PDE1A: variants seen among roughly 807,000 people sequenced by gnomAD.
The protein encoded by PDE1A is phosphodiesterase 1A.
PDE1A carries 35 observed loss-of-function variants against 61.7 expected under a neutral mutation model. That is an observed-to-expected ratio of 0.57 (90% CI 0.43 to 0.75). The LOEUF (loss-of-function observed/expected upper bound fraction) is 0.75, where lower values mean the gene tolerates loss of function less well. PDE1A is among the 30% of genes least tolerant of loss of function. The probability of loss-of-function intolerance (pLI) is 0.00; values close to 1 mark genes in which losing one functional copy is unlikely to be tolerated. For synonymous variants in PDE1A, 232 were observed against 213.2 expected (o/e 1.09, Z -0.77); for missense variants, 597 against 630.6 (o/e 0.95, Z 0.57).
the PDE1A span, among the ~76,000 whole-genome samples, chr2:182,677,422 A>T: frequency 1.3e-5 from 2 of 152,228 alleles, no homozygotes; most frequent in South Asian, 4.1e-4. Flanking sequence ...AAACAAATGG[A>T]AAAACATTCC....
intron 1 of PDE1A, among the ~76,000 whole-genome samples, chr2:182,345,277 C>T (rs558094052): frequency 7.9e-5 from 12 of 152,300 alleles, no homozygotes; most frequent in South Asian, 4.1e-4. Context: ...TCTTGGTGAA[C>T]GGTGGCATGT....
chr2:182,509,198 A>G (rs775554997), intron 2 of PDE1A, among the ~76,000 whole-genome samples: 32 of 152,324 alleles, frequency 2.1e-4, no homozygotes, highest in Admixed American at 1.2e-3. Flanking sequence ...CAAAGGTCCA[A>G]GCTCTAAGGA....
chr2:182,345,389 T>C (rs1198740820), intron 1 of PDE1A, among the ~76,000 whole-genome samples: 1 of 152,218 alleles, frequency 6.6e-6, no homozygotes, highest in African/African-American at 2.4e-5. Context: ...TTCTTGCCTA[T>C]AGTACACCAA....
chr2:182,579,571 G>A, the PDE1A span, among the ~76,000 whole-genome samples: 1 of 152,182 alleles, frequency 6.6e-6, no homozygotes, highest in East Asian at 1.9e-4. Flanking sequence ...GGCATGGTCT[G>A]CAGCAGCTTG....
At chr2:182,220,071 C>CT (rs952724752) in intron 7 of PDE1A, among the ~76,000 whole-genome samples, 8 of 151,122 alleles carry the variant, frequency 5.3e-5, no homozygotes, top group African/African-American at 9.7e-5. Context: ...CTATTACTTT[C>CT]TTTTTTTTTC....
At position 182,508,744 on chromosome 2, in the gene PDE1A, T is replaced by A. The variant is rs561050036; in HGVS notation, c.101+13532A>T. Among the ~76,000 whole-genome samples, 11 of 150,508 alleles carry A rather than the reference T, an allele frequency of 7.3e-5. No individual in the cohort carries two copies. In the South Asian group the frequency reaches 1.2e-3, roughly 17 times the overall value. On this transcript the variant is annotated intron_variant, in intron 2 of 14. Coordinates refer to the PDE1A transcript ENST00000410103. ...TGTAAATTTCTTTTTTTTTTTATTT[T>A]TTTTTTATTTTTATTTTTTAAAGCT...
At chr2:182,340,852 T>C (rs1403415991) in intron 1 of PDE1A, among the ~76,000 whole-genome samples, 4 of 152,218 alleles carry the variant, frequency 2.6e-5, no homozygotes. Context: ...AGGCTAGTTG[T>C]AGAATCATGG....
At chr2:182,446,968 C>A (rs1685180827) in intron 2 of PDE1A, among the ~76,000 whole-genome samples, 1 of 151,750 alleles carries the variant, frequency 6.6e-6, no homozygotes, top group Non-Finnish European at 1.5e-5. Flanking sequence ...ACCACATAGA[C>A]AAATGCCTGA....
At chr2:182,612,416 A>C in the PDE1A span, among the ~76,000 whole-genome samples, 1 of 152,214 alleles carries the variant, frequency 6.6e-6, no homozygotes, top group Admixed American at 6.5e-5. Context: ...TTATTCTTCC[A>C]GTATGTAAGT....
At chr2:182,173,321 G>A (rs1456549396) in intron 13 of PDE1A, among the ~76,000 whole-genome samples, 2 of 152,138 alleles carry the variant, frequency 1.3e-5, no homozygotes, top group Non-Finnish European at 2.9e-5. Flanking sequence ...AAAGGAATGA[G>A]TGAATGAATG....
At chr2:182,304,147 T>C (rs906770894) in intron 1 of PDE1A, among the ~76,000 whole-genome samples, 4 of 152,142 alleles carry the variant, frequency 2.6e-5, no homozygotes, top group African/African-American at 9.7e-5. Context: ...ACTCCCAAAG[T>C]GCTGGATTAT....
chr2:182,659,792 G>A, the PDE1A span, among the ~76,000 whole-genome samples: 9 of 152,244 alleles, frequency 5.9e-5, no homozygotes, highest in African/African-American at 2.2e-4. Context: ...AACTATAAAT[G>A]TAGGTATTAC....
At chr2:182,207,229 C>A (rs1452271948) in intron 7 of PDE1A, among the ~76,000 whole-genome samples, 2 of 152,142 alleles carry the variant, frequency 1.3e-5, no homozygotes, top group African/African-American at 4.8e-5. Flanking sequence ...GATAGTGATA[C>A]AGACAGTGAA....
intron 1 of PDE1A, among the ~76,000 whole-genome samples, chr2:182,334,880 T>C (rs878863293): frequency 6.6e-6 from 1 of 152,184 alleles, no homozygotes; most frequent in Non-Finnish European, 1.5e-5. Flanking sequence ...GAAAACCCCA[T>C]TGTCTCAGCC....
At chr2:182,658,991 A>G in the PDE1A span, among the ~76,000 whole-genome samples, 1 of 152,142 alleles carries the variant, frequency 6.6e-6, no homozygotes, top group Non-Finnish European at 1.5e-5. Flanking sequence ...ACGGAATTGA[A>G]AGAAAAACTC....
At chr2:182,263,424 T>C (rs935808545) in intron 2 of PDE1A, among the ~76,000 whole-genome samples, 4 of 152,198 alleles carry the variant, frequency 2.6e-5, no homozygotes, top group African/African-American at 9.6e-5. Flanking sequence ...CATCACTTAC[T>C]CTATGCAGCC....
the PDE1A span, among the ~76,000 whole-genome samples, chr2:182,559,967 G>A: frequency 6.6e-6 from 1 of 151,906 alleles, no homozygotes; most frequent in African/African-American, 2.4e-5. Flanking sequence ...GTATGGGTAG[G>A]GAGCAGCCAG....
intron 2 of PDE1A, among the ~76,000 whole-genome samples, chr2:182,250,186 A>AACTT (rs2125727052): frequency 6.6e-6 from 1 of 152,260 alleles, no homozygotes; most frequent in East Asian, 1.9e-4. Context: ...TCTGCCTTGA[A>AACTT]ACTTATGGTT....
At chr2:182,310,954 C>CTTA (rs2125947476) in intron 1 of PDE1A, among the ~76,000 whole-genome samples, 1 of 152,272 alleles carries the variant, frequency 6.6e-6, no homozygotes, top group East Asian at 1.9e-4. Context: ...GCCACATAAG[C>CTTA]GCTCTGCTTC....
Sources: allele counts gnomAD v4.1 joint callset (sites outside exome capture counted in the v4.1 genomes callset), GRCh38; gene constraint gnomAD v4.1.1; transcripts MANE v1.5; gene names NCBI Gene and HGNC (gene_info 2026-07-23, HGNC 2026-07-21).